The following STAG2 variants were observed in gnomAD, a reference collection of about 807,000 sequenced individuals.
The protein encoded by STAG2 is STAG2 cohesin complex component, also known as cohesin subunit SA-2.
In STAG2, 14 loss-of-function variants were observed where a neutral mutation model predicts 108.1. The observed-to-expected ratio is 0.13, with a 90% CI of 0.09 to 0.20. The LOEUF (loss-of-function observed/expected upper bound fraction) is 0.20. Among genes scored for constraint, STAG2 ranks in the 10% least tolerant of loss-of-function variants. The pLI, the probability that STAG2 is intolerant of heterozygous loss-of-function variation, is 1.00. For synonymous variants in STAG2, 307 were observed against 302.7 expected (o/e 1.01, Z -0.15); for missense variants, 440 against 940.9 (o/e 0.47, Z 6.96).
intron 25 of STAG2, among the ~76,000 whole-genome samples, chrX:124,072,909 T>C (rs1296560244): frequency 5.1e-5 from 5 of 97,231 alleles, no homozygotes; most frequent in Admixed American, 1.1e-4. Context: ...TCTTTCTTTT[T>C]TTTTTTTTTT....
intron 4 of STAG2, among the ~76,000 whole-genome samples, chrX:124,029,713 G>A (rs1227262595): frequency 2.7e-5 from 3 of 112,465 alleles, no homozygotes; most frequent in African/African-American, 9.7e-5. Context: ...TTTACAGAAA[G>A]TTGGCCAACA....
At chrX:124,097,610 G>C in intron 34 of STAG2, 1 of 264,160 alleles carries the variant, frequency 3.8e-6, no homozygotes, top group South Asian at 3.5e-5. Context: ...AAGTATGGAA[G>C]GTAGTAGCTG....
chrX:124,087,869 A>G (rs1278620162), intron 30 of STAG2, among the ~76,000 whole-genome samples: 2 of 112,038 alleles, frequency 1.8e-5, no homozygotes, highest in African/African-American at 6.5e-5. Context: ...TGTCCTATGA[A>G]TTTTAGTATC....
At chrX:124,100,016 A>T (rs1036957595) in intron 34 of STAG2, among the ~76,000 whole-genome samples, 13 of 111,424 alleles carry the variant, frequency 1.2e-4, no homozygotes, top group African/African-American at 4.2e-4. Flanking sequence ...TACCCTTTTG[A>T]TTTCTTAAAA....
At chrX:124,067,813 C>G (rs1603101847) in intron 23 of STAG2, among the ~76,000 whole-genome samples, 1 of 111,595 alleles carries the variant, frequency 9.0e-6, no homozygotes, top group Non-Finnish European at 1.9e-5. Context: ...AGGCCACTCA[C>G]TTGAAGTCAG....
At chrX:124,017,213 CT>C (rs371268691) in intron 1 of STAG2, among the ~76,000 whole-genome samples, 33 of 102,334 alleles carry the variant, frequency 3.2e-4, no homozygotes, top group Admixed American at 5.3e-4. Context: ...AATTAAATAC[CT>C]TTTTTTTTTT....
At chrX:124,057,724 C>T in intron 14 of STAG2, 142 bp from the exon 15 acceptor site, 1 of 321,523 alleles carries the variant, frequency 3.1e-6, no homozygotes, top group Non-Finnish European at 5.4e-6. Context: ...CGTGGTGTGC[C>T]ATGTTGGATG....
At chrX:124,024,662 A>G (rs1442154301) in intron 3 of STAG2, among the ~76,000 whole-genome samples, 1 of 111,641 alleles carries the variant, frequency 9.0e-6, no homozygotes, top group East Asian at 2.8e-4. Context: ...TTTTAGATTT[A>G]TGAAATATTC....
chrX:123,975,147 T>C (rs1445905110), intron 1 of STAG2, among the ~76,000 whole-genome samples: 5 of 111,986 alleles, frequency 4.5e-5, no homozygotes, highest in Non-Finnish European at 7.5e-5. Flanking sequence ...AATAGAGGCA[T>C]TTTTTGTAGT....
intron 30 of STAG2, among the ~76,000 whole-genome samples, chrX:124,088,849 G>T (rs1393006250): frequency 3.7e-5 from 4 of 107,489 alleles, no homozygotes; most frequent in African/African-American, 1.4e-4. Context: ...CCCAACCTCA[G>T]GTGATCTGCC....
chrX:124,058,236 C>CA (rs1372835549), intron 15 of STAG2, among the ~76,000 whole-genome samples: 1 of 103,655 alleles, frequency 9.6e-6, no homozygotes, highest in Admixed American at 1.1e-4. Context: ...TGGCTCACTG[C>CA]AGCCTCTGCC....
intron 4 of STAG2, among the ~76,000 whole-genome samples, chrX:124,030,170 A>T (rs1426725359): frequency 3.6e-5 from 4 of 111,981 alleles, no homozygotes; most frequent in African/African-American, 1.3e-4. Flanking sequence ...AAAATGTTGA[A>T]CTGAGTATAA....
At chrX:123,986,046 A>G (rs1243957576) in intron 1 of STAG2, among the ~76,000 whole-genome samples, 1 of 105,709 alleles carries the variant, frequency 9.5e-6, no homozygotes, top group Admixed American at 1.1e-4. Flanking sequence ...CCTCACATAT[A>G]TATATATCAT....
chrX:124,033,020 T>C (rs1294137463), intron 5 of STAG2, among the ~76,000 whole-genome samples: 1 of 112,505 alleles, frequency 8.9e-6, no homozygotes, highest in Non-Finnish European at 1.9e-5. Flanking sequence ...TGTTTGAGCT[T>C]TCGCCAATTT....
At chrX:124,034,983 G>A (rs1483734715) in intron 5 of STAG2, among the ~76,000 whole-genome samples, 2 of 108,352 alleles carry the variant, frequency 1.8e-5, no homozygotes, top group Non-Finnish European at 3.8e-5. Context: ...TGCAACCTCC[G>A]CCTCCCGGGT....
intron 14 of STAG2, among the ~76,000 whole-genome samples, chrX:124,056,718 G>A (rs1163619010): frequency 3.8e-5 from 3 of 78,539 alleles, no homozygotes; most frequent in African/African-American, 4.9e-5. Flanking sequence ...GGGCGACAGA[G>A]CGAGACTCCA....
intron 20 of STAG2, 125 bp downstream of exon 20, chrX:124,064,176 C>G (rs1248607050): frequency 5.4e-5 from 27 of 496,932 alleles, no homozygotes; most frequent in African/African-American, 2.4e-5. Context: ...GATGTTCAGG[C>G]TTTTCATTCT....
chrX:124,047,332 T>C, intron 8 of STAG2, 22 bp from the exon 9 acceptor site: 1 of 1,158,337 alleles, frequency 8.6e-7, no homozygotes. Context: ...AGTTTCACCA[T>C]ACTTTTACTC....
chrX:123,983,410 A>C (rs2054983971), intron 1 of STAG2, among the ~76,000 whole-genome samples: 1 of 111,518 alleles, frequency 9.0e-6, no homozygotes, highest in Admixed American at 9.6e-5. Flanking sequence ...CATTCAGTGG[A>C]TAGCCAATTC....
Sources: allele counts gnomAD v4.1 joint callset (sites outside exome capture counted in the v4.1 genomes callset), GRCh38; gene constraint gnomAD v4.1.1; transcripts MANE v1.5; gene names NCBI Gene and HGNC (gene_info 2026-07-23, HGNC 2026-07-21).